The following SCFD1 variants were observed in gnomAD, a reference collection of about 807,000 sequenced individuals.
SCFD1 encodes the protein sec1 family domain containing 1.
A neutral mutation model predicts 103.2 loss-of-function variants in SCFD1; 37 were observed. That is an observed-to-expected ratio of 0.36 (90% CI 0.28 to 0.47). The LOEUF (loss-of-function observed/expected upper bound fraction) is 0.47, where lower values mean the gene tolerates loss of function less well. Ranked by LOEUF, SCFD1 falls within the 20% of genes least tolerant of loss-of-function variation. The probability of loss-of-function intolerance (pLI) is 1.00; values close to 1 mark genes in which losing one functional copy is unlikely to be tolerated. For synonymous variants in SCFD1, 264 were observed against 245.0 expected, an observed-to-expected ratio of 1.08 and a Z score of -0.73; for missense variants, 639 against 761.2, an observed-to-expected ratio of 0.84 and a Z score of 1.89.
chr14:30,698,112 A>G (rs1038434561), intron 15 of SCFD1, among the ~76,000 whole-genome samples: 3 of 152,196 alleles, frequency 2.0e-5, no homozygotes, highest in Non-Finnish European at 2.9e-5. Context: ...TTACTCTCAA[A>G]ATTTCAGGGA....
intron 7 of SCFD1, among the ~76,000 whole-genome samples, chr14:30,647,183 G>T (rs1279653790): frequency 1.3e-5 from 2 of 151,828 alleles, no homozygotes; most frequent in Admixed American, 1.3e-4. Context: ...AAGCCTAATT[G>T]CAATTTTAAT....
intron 4 of SCFD1, among the ~76,000 whole-genome samples, chr14:30,636,494 C>G (rs1408463428): frequency 6.6e-6 from 1 of 152,060 alleles, no homozygotes; most frequent in Non-Finnish European, 1.5e-5. Context: ...TATTCTTTCC[C>G]TAGTGAATGG....
Position 30,628,205 on chromosome 14 carries a change from T to G in SCFD1, c.62-4T>G. On this transcript the variant is annotated splice_region_variant and splice_polypyrimidine_tract_variant and intron_variant, in intron 1 of 24. Coordinates refer to ENST00000458591, the MANE Select transcript of SCFD1 (RefSeq NM_016106.4). ...CAATATTTGATAAAACTTTTTATTTTCAGTGGCTTTGAAGCGTATGTTGAA... is the reference window on the plus strand; with the variant it reads ...CAATATTTGATAAAACTTTTTATTTGCAGTGGCTTTGAAGCGTATGTTGAA... 6.2e-7 allele frequency: 1 copy of G among 1,603,238 alleles called. No individual in the cohort carries two copies. The highest frequency in any genetic ancestry group is 8.5e-7 in the Non-Finnish European group (1 of 1,173,628).
At chr14:30,622,965 T>C (rs1883008136) in intron 1 of SCFD1, among the ~76,000 whole-genome samples, 1 of 152,256 alleles carries the variant, frequency 6.6e-6, no homozygotes, top group Non-Finnish European at 1.5e-5. Context: ...CTCATTTTAA[T>C]TGTTTGACAC....
chr14:30,643,272 A>G (rs775150348), intron 6 of SCFD1, 44 bp from the exon 7 acceptor site: 2 of 1,190,322 alleles, frequency 1.7e-6, no homozygotes, highest in East Asian at 2.3e-5. Context: ...AAGATGAGGC[A>G]TAAGTTTGGG....
At chr14:30,681,147 G>C (rs536414157) in intron 14 of SCFD1, among the ~76,000 whole-genome samples, 119 of 152,016 alleles carry the variant, frequency 7.8e-4, no homozygotes, top group Non-Finnish European at 1.3e-3. Context: ...CTTGAACCTA[G>C]GAGGCAAAGG....
At position 30,630,482 on chromosome 14, in the gene SCFD1, C is replaced by G; in HGVS notation, c.138C>G (p.Leu46=). 1 of 1,573,554 alleles carries G rather than the reference C, an allele frequency of 6.4e-7. No homozygotes were observed. The part of the protein sequence containing the change: ...NSTGEPVWKV[L]IYDRFGQDII... The stretch of plus-strand genomic sequence containing the variant: ...CACATGGTTTTTTTTAATAGGTACT[C>G]ATTTATGACAGATTTGGCCAAGATA... The change falls in exon 3 of 25, where the codon CTC becomes CTG. Residue 46 remains leucine (L), a synonymous_variant. Coordinates refer to ENST00000458591, the MANE Select transcript of SCFD1 (RefSeq NM_016106.4).
chr14:30,729,262 A>G (rs1893271728), intron 23 of SCFD1, among the ~76,000 whole-genome samples: 1 of 151,888 alleles, frequency 6.6e-6, no homozygotes, highest in Admixed American at 6.6e-5. Context: ...AGTCCAGTGT[A>G]TCTCTTTTTT....
At chr14:30,632,435 A>G (rs1202798762) in intron 3 of SCFD1, among the ~76,000 whole-genome samples, 1 of 152,192 alleles carries the variant, frequency 6.6e-6, no homozygotes, top group Non-Finnish European at 1.5e-5. Flanking sequence ...ATTTCTCAGT[A>G]GTATATAAAA....
chr14:30,710,903 A>G (rs1891824966), intron 19 of SCFD1, among the ~76,000 whole-genome samples: 2 of 152,308 alleles, frequency 1.3e-5, no homozygotes, highest in South Asian at 2.1e-4. Flanking sequence ...TTTTATCTGA[A>G]TAAACAGTTT....
intron 6 of SCFD1, among the ~76,000 whole-genome samples, 195 bp from the exon 7 acceptor site, chr14:30,643,121 C>T (rs113947826): frequency 0.017 from 2,525 of 151,970 alleles, 92 homozygotes; most frequent in African/African-American, 0.057. Flanking sequence ...TGCAGTAAGC[C>T]GTGATCATGT....
chr14:30,642,097 C>T (rs573826563), intron 6 of SCFD1, among the ~76,000 whole-genome samples: 84 of 151,932 alleles, frequency 5.5e-4, no homozygotes, highest in Non-Finnish European at 1.1e-3. Context: ...GTTGTTCCCC[C>T]GCCACCCCGA....
chr14:30,660,375 A>C (rs1049327488), intron 10 of SCFD1, among the ~76,000 whole-genome samples: 2 of 152,104 alleles, frequency 1.3e-5, no homozygotes, highest in African/African-American at 4.8e-5. Flanking sequence ...AGTGTTCTTT[A>C]GTTTCTGTTT....
chr14:30,660,117 A>T (rs897700792), intron 10 of SCFD1, among the ~76,000 whole-genome samples: 4 of 152,184 alleles, frequency 2.6e-5, no homozygotes, highest in Non-Finnish European at 1.5e-5. Flanking sequence ...TCAAATAAGG[A>T]TCCAGAAATA....
chr14:30,715,853 T>C, intron 19 of SCFD1, 71 bp from the exon 20 acceptor site: 1 of 784,518 alleles, frequency 1.3e-6, no homozygotes, highest in Non-Finnish European at 2.1e-6. Context: ...AACTGTAGAA[T>C]GATCAGGTTG....
intron 5 of SCFD1, among the ~76,000 whole-genome samples, chr14:30,638,912 A>G (rs1330158776): frequency 6.6e-6 from 1 of 152,212 alleles, no homozygotes; most frequent in South Asian, 2.1e-4. Context: ...ACAACCATGC[A>G]TATACTTTCT....
Position 30,638,244 on chromosome 14 carries a change from C to T in SCFD1, c.432C>T (p.Ala144=). 6.2e-7 allele frequency: 1 copy of T among 1,612,980 alleles called. No individual in the cohort carries two copies. The highest frequency in any genetic ancestry group is 1.1e-5 in the South Asian group (1 of 91,028). The change falls in exon 5 of 25, where the codon GCC becomes GCT. Residue 144 remains alanine, a synonymous_variant. Coordinates refer to ENST00000458591, the MANE Select transcript of SCFD1 (RefSeq NM_016106.4). ...ALAASAVTQV[A]KVFDQYLNFI... ...CAGCTAGTGCAGTAACACAAGTAGCCAAGGTAAGAGAGTTTGGTGGGTTGA... is the reference window on the plus strand; with the variant it reads ...CAGCTAGTGCAGTAACACAAGTAGCTAAGGTAAGAGAGTTTGGTGGGTTGA...
intron 18 of SCFD1, among the ~76,000 whole-genome samples, chr14:30,706,863 A>C (rs965204173): frequency 1.3e-5 from 2 of 152,200 alleles, no homozygotes; most frequent in Non-Finnish European, 2.9e-5. Context: ...ACTCAGCCTT[A>C]TAAGTACTTG....
chr14:30,638,830 C>T (rs1158945649), intron 5 of SCFD1, among the ~76,000 whole-genome samples: 1 of 152,090 alleles, frequency 6.6e-6, no homozygotes, highest in Non-Finnish European at 1.5e-5. Flanking sequence ...CTGTAATGCT[C>T]TGTGTTTCTT....
Sources: allele counts gnomAD v4.1 joint callset (sites outside exome capture counted in the v4.1 genomes callset), GRCh38; gene constraint gnomAD v4.1.1; transcripts MANE v1.5; gene names NCBI Gene and HGNC (gene_info 2026-07-23, HGNC 2026-07-21).